MPRIP: variants seen among roughly 807,000 people sequenced by gnomAD.
MPRIP encodes the protein myosin phosphatase Rho interacting protein.
MPRIP carries 59 observed loss-of-function variants against 234.9 expected under a neutral mutation model. The ratio of observed to expected loss-of-function variants is 0.25; its 90% confidence interval spans 0.20 to 0.31. MPRIP has a LOEUF of 0.31. MPRIP is among the 10% of genes least tolerant of loss of function. The probability of loss-of-function intolerance (pLI) is 1.00; values close to 1 mark genes in which losing one functional copy is unlikely to be tolerated. For synonymous variants in MPRIP, 1,144 were observed against 1,263.9 expected, an observed-to-expected ratio of 0.91 and a Z score of 2.01; for missense variants, 2,436 against 3,071.0, an observed-to-expected ratio of 0.79 and a Z score of 4.89.
intron 3 of MPRIP, among the ~76,000 whole-genome samples, chr17:17,081,476 TGTA>T (rs552049638): frequency 6.8e-4 from 104 of 152,358 alleles, no homozygotes; most frequent in Admixed American, 6.8e-3. Flanking sequence ...AGATTAGCAA[TGTA>T]GTGACCTTTA....
chr17:17,171,699 T>G lies in MPRIP; in HGVS notation c.6325-19T>G. The G allele has an allele frequency of 6.2e-7, 1 of 1,603,140 alleles. No homozygotes were observed. The highest frequency in any genetic ancestry group is 8.5e-7 in the Non-Finnish European group (1 of 1,177,654). ...GAGGTAAAGAAAGAAGTCGATGAAG[T>G]CCCTTTTGCATTTTGCAGGCCACGT... On this transcript the variant is annotated intron_variant, in intron 16 of 23. Transcript: ENST00000651222.
chr17:17,090,638 C>T (rs894676696), intron 3 of MPRIP, among the ~76,000 whole-genome samples: 1 of 152,184 alleles, frequency 6.6e-6, no homozygotes, highest in Non-Finnish European at 1.5e-5. Flanking sequence ...AACCAGCAAG[C>T]GTCTGTGATC....
At chr17:17,150,053 T>C in intron 11 of MPRIP, 91 bp from the exon 12 acceptor site, 2 of 893,260 alleles carry the variant, frequency 2.2e-6, no homozygotes, top group Non-Finnish European at 3.7e-6. Context: ...AAAAGTAAAG[T>C]CAGTGCAGAA....
intron 7 of MPRIP, 49 bp from the exon 8 acceptor site, chr17:17,142,578 T>C (rs1019785041): frequency 4.4e-6 from 7 of 1,600,052 alleles, no homozygotes; most frequent in Non-Finnish European, 5.1e-6. Context: ...CACTGCCACC[T>C]CACAGCTCAC....
At chr17:17,065,139 A>G (rs190460351) in intron 1 of MPRIP, among the ~76,000 whole-genome samples, 33 of 152,122 alleles carry the variant, frequency 2.2e-4, no homozygotes. Flanking sequence ...TTGTGTTTTC[A>G]CTATTGAGTT....
chr17:17,058,047 A>G (rs915459012), intron 1 of MPRIP: 4 of 271,904 alleles, frequency 1.5e-5, no homozygotes, highest in Non-Finnish European at 2.1e-5. Flanking sequence ...GTGACCTGAG[A>G]TGATTTAGGG....
intron 19 of MPRIP, among the ~76,000 whole-genome samples, chr17:17,174,359 G>A (rs115510315): frequency 0.023 from 3,446 of 152,284 alleles, 102 homozygotes; most frequent in Middle Eastern, 0.085. Context: ...GACCCTTTCT[G>A]AGACTCTCGG....
At chr17:17,174,281 C>T (rs7223758) in intron 19 of MPRIP, among the ~76,000 whole-genome samples, 13,015 of 152,322 alleles carry the variant, frequency 0.085, 1,781 homozygotes, top group African/African-American at 0.29. Context: ...AACATCACCG[C>T]GGATAGCTAG....
chr17:17,047,180 C>G (rs1233026328), intron 1 of MPRIP, among the ~76,000 whole-genome samples: 4 of 151,976 alleles, frequency 2.6e-5, no homozygotes, highest in African/African-American at 9.7e-5. Flanking sequence ...GACTCCTTCT[C>G]AAAAAAGTAA....
At chr17:17,107,286 C>T (rs2090081408) in intron 3 of MPRIP, among the ~76,000 whole-genome samples, 1 of 152,220 alleles carries the variant, frequency 6.6e-6, no homozygotes, top group African/African-American at 2.4e-5. Context: ...AGGCCCAATT[C>T]CTCCCAGTGA....
intron 3 of MPRIP, among the ~76,000 whole-genome samples, chr17:17,111,163 A>C (rs1268081108): frequency 2.8e-4 from 40 of 141,552 alleles, no homozygotes; most frequent in African/African-American, 9.9e-4. Flanking sequence ...AAAACCAAAA[A>C]AAAAAGAAAA....
intron 3 of MPRIP, among the ~76,000 whole-genome samples, chr17:17,080,530 G>A (rs1173233729): frequency 1.3e-5 from 2 of 152,188 alleles, no homozygotes; most frequent in Non-Finnish European, 2.9e-5. Context: ...GTGGTCCTCA[G>A]CGTCATGCCT....
At chr17:17,100,184 C>T (rs2089931242) in intron 3 of MPRIP, among the ~76,000 whole-genome samples, 2 of 152,184 alleles carry the variant, frequency 1.3e-5, no homozygotes, top group Admixed American at 1.3e-4. Flanking sequence ...TGGAAGCCTA[C>T]CTTCCCCATT....
Position 17,166,651 on chromosome 17 carries a change from T to G in MPRIP, c.5060T>G (p.Leu1687Arg). 1 of 1,304,106 alleles carries G rather than the reference T, an allele frequency of 7.7e-7. No individual in the cohort carries two copies. Among genetic ancestry groups the G allele is most frequent in the Non-Finnish European group, 1.0e-6 (1 of 988,950 alleles). 80.8% of individuals were successfully genotyped at this position (1,304,106 alleles called of 1,614,324 possible). A position where few individuals can be genotyped will look rare whatever the true frequency, so the allele number is the denominator to read the frequency against. The change falls in exon 16 of 24, where the codon CTA becomes CGA. Residue 1687 changes from leucine (L) to arginine (R), a missense_variant. Around this residue, in one of 4 missense-constraint regions of MPRIP, gnomAD observed 1,998 missense variants for 2,520.3 expected, o/e 0.79. Transcript: ENST00000651222. This position sits in a 1 kb window ranked among gnomAD's most constrained non-coding sequence, Gnocchi z 4.4. ...QSVRESFHRR[L>R]QSIQETLRGT... ...GTGAGGGAGTCGTTCCACCGCAGGC[T>G]ACAGAGCATCCAGGAGACCCTGCGG...
chr17:17,098,921 A>T (rs1443908157), intron 3 of MPRIP, among the ~76,000 whole-genome samples: 1 of 152,134 alleles, frequency 6.6e-6, no homozygotes, highest in Middle Eastern at 3.2e-3. Flanking sequence ...CCAGCTCTGT[A>T]TAAAGAGACA....
At position 17,094,009 on chromosome 17, in the gene MPRIP, G is replaced by A. The variant is rs540280400; in HGVS notation, c.267+15933G>A. Among the ~76,000 whole-genome samples, 44 of 152,244 alleles carry A rather than the reference G, an allele frequency of 2.9e-4. No homozygotes were observed. The South Asian group carries it at 7.1e-3, about 24-fold the overall frequency. On this transcript the variant is annotated intron_variant, in intron 3 of 23. Coordinates refer to ENST00000651222, the MANE Select transcript of MPRIP (RefSeq NM_001364716.4). ...GGCTGTCCTCTGGACCTGCTGCATA[G>A]CTCTCCATCTGGGCTTGACCTTCCC...
chr17:17,159,727 G>A (rs2045820675), intron 14 of MPRIP, among the ~76,000 whole-genome samples: 1 of 152,230 alleles, frequency 6.6e-6, no homozygotes, highest in South Asian at 2.1e-4. Context: ...CTGGGGAGGT[G>A]TAGCGTTACA....
intron 3 of MPRIP, among the ~76,000 whole-genome samples, chr17:17,108,172 A>G (rs1387517873): frequency 6.6e-6 from 1 of 152,198 alleles, no homozygotes. Context: ...ACTGTCCCCA[A>G]GCACTTTATG....
chr17:17,112,719 G>A (rs1270183439), intron 3 of MPRIP, among the ~76,000 whole-genome samples: 1 of 152,248 alleles, frequency 6.6e-6, no homozygotes, highest in African/African-American at 2.4e-5. Flanking sequence ...TGAGGACAGG[G>A]CTGCAACTGG....
Sources: gnomAD v4.1 joint callset for allele counts (sites outside exome capture counted in the v4.1 genomes callset) on GRCh38, gnomAD v4.1.1 for gene constraint, gnomAD v4.1.1 regional missense constraint, Gnocchi (gnomAD v3.1) non-coding constraint, MANE v1.5 for transcripts, NCBI Gene and HGNC (gene_info 2026-07-23, HGNC 2026-07-21) for gene names.